Variants in MOGS observed in about 807,000 individuals in gnomAD.
The protein encoded by MOGS is mannosyl-oligosaccharide glucosidase.
Under a neutral mutation model 68.5 loss-of-function variants are expected in MOGS, and 45 were observed. That is an observed-to-expected ratio of 0.66 (90% CI 0.52 to 0.84). The LOEUF is 0.84. Among genes scored for constraint, MOGS ranks in the 40% least tolerant of loss-of-function variants. MOGS has a pLI of 0.00. For synonymous variants in MOGS, 492 were observed against 461.2 expected, an observed-to-expected ratio of 1.07 and a Z score of -0.86; for missense variants, 1,020 against 1,095.0, an observed-to-expected ratio of 0.93 and a Z score of 0.97.
chr2:74,465,181 C>T lies in MOGS; in HGVS notation c.67G>A (p.Ala23Thr), dbSNP rs1418236945. 1 of 1,533,928 alleles carries T rather than the reference C, an allele frequency of 6.5e-7. No homozygotes were observed. Among genetic ancestry groups the T allele is most frequent in the Non-Finnish European group, 8.7e-7 (1 of 1,147,810 alleles). The part of the protein sequence containing the change: ...AEGVRTAERA[A>T]RGGPGRRDGR... ...TCCCGTCGCCCGGGGCCTCCCCGAG[C>T]CGCCCTCTCGGCTGTCCGCACTCCC... The change falls in exon 1 of 4, where the codon GCT (alanine) becomes ACT (threonine). Residue 23 changes from alanine to threonine, a missense_variant. Transcript: ENST00000448666.
rs536613092 is a variant in MOGS at position 74,461,852 on chromosome 2, G to A, written c.1937C>T (p.Ala646Val). 38 of 1,614,070 alleles carry A rather than the reference G, an allele frequency of 2.4e-5. No homozygotes were observed. Among genetic ancestry groups the A allele is most frequent in the Non-Finnish European group, 3.2e-5 (38 of 1,180,010 alleles). Residue 646 changes from alanine to valine, a missense_variant, in exon 4 of 4, where the codon GCC becomes GTC. Physicochemically the swap from Ala to Val is moderately conservative, Grantham distance 64. This residue lies in a region of MOGS where 270 missense variants were observed against 261.3 expected (regional missense o/e 1.03). Transcript: ENST00000448666. ...AAESLDELHW[A>V]PELGVFADFG... is the part of the protein sequence containing the mutation. ...GTCTGCAAAGACTCCTAGCTCTGGG[G>A]CCCAGTGCAGCTCATCCAGGCTCTC...
Position 74,461,767 on chromosome 2 carries a change from C to G in MOGS, c.2022G>C (p.Arg674=). The G allele has an allele frequency of 1.2e-6, 2 of 1,614,222 alleles. No homozygotes were observed. The highest frequency in any genetic ancestry group is 8.5e-7 in the Non-Finnish European group (1 of 1,180,036). The part of the protein sequence containing the change: ...LKPRPPQGLV[R]VVGRPQPQLQ... ...GTTGAGGTTGGGGCCGACCCACCACCCGAACGAGCCCCTGAGGGGGCCTGG... is the reference window on the plus strand; with the variant it reads ...GTTGAGGTTGGGGCCGACCCACCACGCGAACGAGCCCCTGAGGGGGCCTGG... The change falls in exon 4 of 4, where the codon CGG becomes CGC. Residue 674 remains arginine (R), a synonymous_variant. Coordinates refer to ENST00000448666, the MANE Select transcript of MOGS (RefSeq NM_006302.3).
In MOGS at chr2:74,462,850, C is replaced by T. The variant is rs2103980315; in HGVS notation, c.939G>A (p.Gly313=). The part of the protein sequence containing the change: ...SLKWEDRGPS[G]QGQGQFLIQQ... ...GTATCAAGAACTGCCCCTGCCCTTG[C>T]CCACTTGGACCTCTGTCCTCCCACT... Residue 313 remains glycine, a synonymous_variant, in exon 4 of 4, where the codon GGG becomes GGA. Transcript: ENST00000448666. 6.2e-7 allele frequency: 1 copy of T among 1,614,182 alleles called. No individual in the cohort carries two copies. The highest frequency in any genetic ancestry group is 1.1e-5 in the South Asian group (1 of 91,086).
At position 74,465,349 on chromosome 2, in the gene MOGS, G is replaced by T. The variant is rs1051096008; in HGVS notation, c.-102C>A. ...CCCGCCTCTCGCCCTGGCGACCACCGTCCGGTTAGCGACACCTGCCAGCCA... is the reference window on the plus strand; with the variant it reads ...CCCGCCTCTCGCCCTGGCGACCACCTTCCGGTTAGCGACACCTGCCAGCCA... On this transcript the variant is annotated 5_prime_UTR_variant, in exon 1 of 4. Transcript: ENST00000448666. The T allele has an allele frequency of 4.5e-6, 3 of 669,578 alleles. No individual in the cohort carries two copies. The highest frequency in any genetic ancestry group is 3.4e-5 in the East Asian group (1 of 29,058). The allele number at this position is 669,578 out of a possible 1,614,324, so 41.5% of individuals were successfully genotyped here.
At position 74,464,697 on chromosome 2, in the gene MOGS, GGT is replaced by G; in HGVS notation, c.376_377del (p.Thr126HisfsTer6). ...LTGLMWAQQG[T>X]TPGTPKLRHT... ...GCCTGAGCTTAGGAGTCCCCGGGGTGGTGCCCTGCTGCGCCCACATCAGTCCT... is the reference window on the plus strand; with the variant it reads ...GCCTGAGCTTAGGAGTCCCCGGGGTGGCCCTGCTGCGCCCACATCAGTCCT... On this transcript the variant is annotated frameshift_variant, in exon 2 of 4. Transcript: ENST00000448666. LOFTEE classifies it high-confidence loss of function. The G allele has an allele frequency of 6.2e-7, 1 of 1,613,388 alleles. No individual in the cohort carries two copies. The highest frequency in any genetic ancestry group is 8.5e-7 in the Non-Finnish European group (1 of 1,179,620).
rs781096789 is a variant in MOGS, at chr2:74,462,625, C to G, written c.1164G>C (p.Gln388His). 2 of 1,614,112 alleles carry G rather than the reference C, an allele frequency of 1.2e-6. No individual in the cohort carries two copies. Among genetic ancestry groups the G allele is most frequent in the African/African-American group, 2.7e-5 (2 of 74,954 alleles). Residue 388 changes from glutamine (Q) to histidine (H), a missense_variant, in exon 4 of 4, where the codon CAG (glutamine) becomes CAC (histidine). By Grantham distance (24) the Gln-to-His change is conservative. Around this residue, in one of 3 missense-constraint regions of MOGS, gnomAD observed 569 missense variants for 571.9 expected, o/e 0.99. Transcript: ENST00000448666. ...CGCTGAGGGCAGCCTGACCCAAAACCTGCTCGCCAGAGCTCAGGCCCTTCT... is the reference window on the plus strand; with the variant it reads ...CGCTGAGGGCAGCCTGACCCAAAACGTGCTCGCCAGAGCTCAGGCCCTTCT... ...LKEKGLSSGE[Q>H]VLGQAALSGL...
Position 74,463,029 on chromosome 2 carries a change from T to TA in MOGS, c.777-18dup, listed in dbSNP as rs748108261. ...ACATTGTAGCTTGAAGGGGAGAAGA[T>TA]AAATAGGAAATATTATTCAAGAGAA... On this transcript the variant is annotated splice_polypyrimidine_tract_variant and intron_variant, in intron 3 of 3. Transcript: ENST00000448666. 15 of 1,613,556 alleles carry TA rather than the reference T, an allele frequency of 9.3e-6. No individual in the cohort carries two copies. In the Admixed American group the frequency reaches 2.5e-4, roughly 27 times the overall value.
intron 2 of MOGS, chr2:74,463,727 G>C (rs1367240806): frequency 8.3e-6 from 2 of 239,646 alleles, no homozygotes; most frequent in Non-Finnish European, 1.6e-5. Context: ...GCAGTGGCGC[G>C]ATCTCAGCTC....
chr2:74,464,442 A>C (rs1166996810), intron 2 of MOGS, 54 bp downstream of exon 2: 3 of 1,575,496 alleles, frequency 1.9e-6, no homozygotes, highest in African/African-American at 2.7e-5. Context: ...TGCTGGCAGC[A>C]AGGGAAGGAT....
chr2:74,463,491 G>A, intron 2 of MOGS, 105 bp from the exon 3 acceptor site: 3 of 1,221,492 alleles, frequency 2.5e-6, no homozygotes, highest in South Asian at 2.5e-5. Context: ...AGTAGGCAGG[G>A]GTAATGTAAA....
In MOGS at chr2:74,465,146, G is replaced by A. The variant is rs918562420; in HGVS notation, c.102C>T (p.Gly34=). 1 of 1,531,510 alleles carries A rather than the reference G, an allele frequency of 6.5e-7. No individual in the cohort carries two copies. The highest frequency in any genetic ancestry group is 1.4e-5 in the African/African-American group (1 of 71,852). The allele number at this position is 1,531,510 out of a possible 1,614,324, so 94.9% of individuals were successfully genotyped here. A position where few individuals can be genotyped will look rare whatever the true frequency, so the allele number is the denominator to read the frequency against. The change falls in exon 1 of 4, where the codon GGC becomes GGT. Residue 34 remains glycine (G), a synonymous_variant. Transcript: ENST00000448666. ...CTCCAGCCGTGCTACGCGGCCCGCC[G>A]CCCCGGCCGTCCCGTCGCCCGGGGC... ...RGGPGRRDGR[G]GGPRSTAGGV... is the part of the protein sequence containing the mutation.
chr2:74,463,492 G>T, intron 2 of MOGS, 106 bp from the exon 3 acceptor site: 1 of 1,209,458 alleles, frequency 8.3e-7, no homozygotes, highest in Non-Finnish European at 1.2e-6. Flanking sequence ...GTAGGCAGGG[G>T]TAATGTAAAC....
At chr2:74,463,455 A>T in intron 2 of MOGS, 69 bp from the exon 3 acceptor site, 1 of 1,515,728 alleles carries the variant, frequency 6.6e-7, no homozygotes, top group Non-Finnish European at 9.1e-7. Flanking sequence ...CCCTCTTGAG[A>T]ATCAGCCTTA....
In MOGS at chr2:74,464,667, C is replaced by G; in HGVS notation, c.408G>C (p.Thr136=). The change falls in exon 2 of 4, where the codon ACG becomes ACC. Residue 136 remains threonine, a synonymous_variant. Coordinates refer to ENST00000448666, the MANE Select transcript of MOGS (RefSeq NM_006302.3). ...GACCCACACCGTCCCCCTGCTCACA[C>G]GTGTGCCTGAGCTTAGGAGTCCCCG... ...TTPGTPKLRH[T]CEQGDGVGPY... is the part of the protein sequence containing the mutation. The G allele has an allele frequency of 1.2e-6, 2 of 1,614,068 alleles. No homozygotes were observed. The highest frequency in any genetic ancestry group is 1.7e-6 in the Non-Finnish European group (2 of 1,180,008).
Position 74,464,544 on chromosome 2 carries a change from C to T in MOGS, c.531G>A (p.Gly177=). The T allele has an allele frequency of 6.2e-7, 1 of 1,614,168 alleles. No individual in the cohort carries two copies. The highest frequency in any genetic ancestry group is 1.3e-5 in the African/African-American group (1 of 75,052). The change falls in exon 2 of 4, where the codon GGG becomes GGA. Residue 177 remains glycine (G), a synonymous_variant. Transcript: ENST00000448666. ...AGCTCCAGTCCCCTCCGTGCTGACCCCCAGGCCTCTTGACGAACTCAGTGG... is the reference window on the plus strand; with the variant it reads ...AGCTCCAGTCCCCTCCGTGCTGACCTCCAGGCCTCTTGACGAACTCAGTGG... The part of the protein sequence containing the change: ...RLTTEFVKRP[G]GQHGGDWSWR...
Position 74,463,190 on chromosome 2 carries a change from C to A in MOGS, c.776G>T (p.Ser259Ile). The change falls in exon 3 of 4, where the codon AGC (serine) becomes ATC (isoleucine). Residue 259 changes from serine to isoleucine, a missense_variant and splice_region_variant. Around this residue, in one of 3 missense-constraint regions of MOGS, gnomAD observed 569 missense variants for 571.9 expected, o/e 0.99. Coordinates refer to ENST00000448666, the MANE Select transcript of MOGS (RefSeq NM_006302.3). ...SPGDTAPKYG[S>I]YNVFWTSNPG... Reference sequence around the variant, plus strand: ...CCCAACATTCTTTTCCCCCAGTTACCTGCCATACTTGGGGGCTGTATCCCC... The same window carrying A: ...CCCAACATTCTTTTCCCCCAGTTACATGCCATACTTGGGGGCTGTATCCCC... 5.0e-6 allele frequency: 8 copies of A among 1,614,104 alleles called. No homozygotes were observed. Among genetic ancestry groups the A allele is most frequent in the Non-Finnish European group, 6.8e-6 (8 of 1,180,016 alleles).
intron 2 of MOGS, chr2:74,463,631 G>T: frequency 2.3e-6 from 1 of 440,470 alleles, no homozygotes; most frequent in East Asian, 4.8e-5. Context: ...CCTACACTAA[G>T]AACTCTACAC....
Position 74,462,725 on chromosome 2 carries a change from C to A in MOGS, c.1064G>T (p.Ser355Ile), listed in dbSNP as rs755866764. Residue 355 changes from serine to isoleucine, a missense_variant, in exon 4 of 4, where the codon AGT (serine) becomes ATT (isoleucine). By Grantham distance (142) the Ser-to-Ile change is moderately radical (BLOSUM62 -2). This residue lies in a region of MOGS where 569 missense variants were observed against 571.9 expected (regional missense o/e 0.99). Coordinates refer to ENST00000448666, the MANE Select transcript of MOGS (RefSeq NM_006302.3). ...GNQALPRLAG[S>I]LLTQALESHA... ...GCTCTCCAGGGCCTGGGTCAGTAGA[C>A]TGCCTGCCAGTCTTGGCAGGGCTTG... The A allele has an allele frequency of 6.2e-7, 1 of 1,614,266 alleles. No individual in the cohort carries two copies. Among genetic ancestry groups the A allele is most frequent in the East Asian group, 2.2e-5 (1 of 44,884 alleles).
chr2:74,464,853 A>G, intron 1 of MOGS, 43 bp downstream of exon 1: 1 of 1,585,512 alleles, frequency 6.3e-7, no homozygotes, highest in Non-Finnish European at 8.6e-7. Flanking sequence ...TGGGGCGCCC[A>G]GATTAGGAGT....
Sources: allele counts gnomAD v4.1 joint callset, GRCh38; gene constraint gnomAD v4.1.1; regional missense constraint gnomAD v4.1.1; transcripts MANE v1.5; gene names NCBI Gene and HGNC (gene_info 2026-07-23, HGNC 2026-07-21).